PTPRD: variants seen among roughly 807,000 people sequenced by gnomAD.
PTPRD encodes receptor-type tyrosine-protein phosphatase delta.
A neutral mutation model predicts 214.5 loss-of-function variants in PTPRD; 34 were observed. The ratio of observed to expected loss-of-function variants is 0.16; its 90% CI spans 0.12 to 0.21. The LOEUF is 0.21. PTPRD is among the 10% of genes least tolerant of loss of function. The probability of loss-of-function intolerance (pLI) is 1.00; values close to 1 mark genes in which losing one functional copy is unlikely to be tolerated. For missense variants in PTPRD, 2,545 were observed against 2,398.7 expected (o/e 1.06, Z -1.27); for synonymous variants, 1,128 against 845.7 (o/e 1.33, Z -5.79).
intron 27 of PTPRD, 88 bp downstream of exon 27, chr9:8,492,774 C>G: frequency 1.2e-6 from 1 of 844,826 alleles, no homozygotes; most frequent in Non-Finnish European, 1.8e-6. Context: ...TCTGATTTTA[C>G]TATAATAAAA....
At chr9:10,570,647 T>C (rs536913667) in intron 2 of PTPRD, among the ~76,000 whole-genome samples, 1 of 152,228 alleles carries the variant, frequency 6.6e-6, no homozygotes, top group East Asian at 1.9e-4. Flanking sequence ...CCCAGCTTTC[T>C]CCAGCATTTT....
At chr9:8,398,428 T>G (rs2129677741) in intron 36 of PTPRD, among the ~76,000 whole-genome samples, 1 of 152,250 alleles carries the variant, frequency 6.6e-6, no homozygotes, top group African/African-American at 2.4e-5. Flanking sequence ...TTACTTTTAC[T>G]TATTAAAGAG....
intron 11 of PTPRD, among the ~76,000 whole-genome samples, chr9:8,934,421 G>GTGTGTATATATATA (rs1306403766): frequency 7.3e-5 from 2 of 27,332 alleles, no homozygotes; most frequent in Non-Finnish European, 6.1e-5. Flanking sequence ...GTGTGTGTGT[G>GTGTGTATATATATA]TATATATATA....
intron 5 of PTPRD, among the ~76,000 whole-genome samples, chr9:9,903,567 C>T (rs1003504196): frequency 1.3e-5 from 2 of 152,004 alleles, no homozygotes; most frequent in African/African-American, 4.8e-5. Context: ...GTACACAGTG[C>T]CTGAGACTGA....
At chr9:10,211,819 G>A (rs888199682) in intron 3 of PTPRD, among the ~76,000 whole-genome samples, 2 of 152,042 alleles carry the variant, frequency 1.3e-5, no homozygotes, top group African/African-American at 4.8e-5. Context: ...AGAGAGGGGG[G>A]TGAGGGATGA....
intron 7 of PTPRD, among the ~76,000 whole-genome samples, chr9:9,594,708 C>T (rs1302374098): frequency 3.3e-5 from 5 of 152,028 alleles, no homozygotes; most frequent in Non-Finnish European, 5.9e-5. Context: ...AATGTGATGC[C>T]TCTAGATTTA....
intron 4 of PTPRD, among the ~76,000 whole-genome samples, chr9:9,963,540 G>A (rs1174988908): frequency 1.3e-5 from 2 of 152,106 alleles, no homozygotes; most frequent in Admixed American, 6.5e-5. Context: ...ATAAATCAAG[G>A]AAATACAGTG....
intron 2 of PTPRD, among the ~76,000 whole-genome samples, chr9:10,493,881 T>C (rs1192607360): frequency 2.6e-5 from 4 of 152,002 alleles, no homozygotes. Context: ...ATAACTATGA[T>C]CTGTTTAAGT....
At position 10,538,835 on chromosome 9, in the gene PTPRD, A is replaced by G. The variant is rs576665400; in HGVS notation, c.-600+73563T>C. Among the ~76,000 whole-genome samples the G allele has an allele frequency of 7.9e-5, 12 of 152,274 alleles. 1 individual carries two copies. The South Asian group carries it at 2.5e-3, about 32-fold the overall frequency. On this transcript the variant is annotated intron_variant, in intron 2 of 45. Coordinates refer to ENST00000381196, the MANE Select transcript of PTPRD (RefSeq NM_002839.4). ...CTTATAATTGAAAACCCTGATAAAT[A>G]TCTTGAATCTTGATATATAGTATCA...
intron 2 of PTPRD, among the ~76,000 whole-genome samples, chr9:10,577,696 G>T (rs180942965): frequency 6.6e-6 from 1 of 152,180 alleles, no homozygotes; most frequent in East Asian, 1.9e-4. Context: ...CAGACTAAAT[G>T]GTTAAGCACT....
At chr9:9,629,089 A>C (rs1454383799) in intron 7 of PTPRD, among the ~76,000 whole-genome samples, 1 of 151,588 alleles carries the variant, frequency 6.6e-6, no homozygotes, top group Non-Finnish European at 1.5e-5. Flanking sequence ...CAGGAGAATC[A>C]CTTGAACCCG....
intron 11 of PTPRD, among the ~76,000 whole-genome samples, chr9:8,848,165 C>G (rs2097736752): frequency 6.6e-6 from 1 of 151,408 alleles, no homozygotes; most frequent in South Asian, 2.1e-4. Context: ...TGGAGGCCAT[C>G]TGCAGAAAAA....
At chr9:8,607,563 A>G (rs539025639) in intron 14 of PTPRD, among the ~76,000 whole-genome samples, 1 of 152,250 alleles carries the variant, frequency 6.6e-6, no homozygotes, top group East Asian at 1.9e-4. Context: ...GAATTGCTTG[A>G]GCCCGGGAGG....
intron 2 of PTPRD, among the ~76,000 whole-genome samples, chr9:10,505,184 A>G (rs558627275): frequency 1.3e-5 from 2 of 152,296 alleles, no homozygotes; most frequent in Admixed American, 6.5e-5. Flanking sequence ...TGATTTCTCA[A>G]TATGATTAAG....
At chr9:8,886,828 A>T (rs2098493834) in intron 11 of PTPRD, among the ~76,000 whole-genome samples, 1 of 152,226 alleles carries the variant, frequency 6.6e-6, no homozygotes, top group Admixed American at 6.5e-5. Context: ...ATACATTTCC[A>T]TATAATACAG....
At chr9:9,308,160 G>A (rs1041175277) in intron 9 of PTPRD, among the ~76,000 whole-genome samples, 1 of 152,100 alleles carries the variant, frequency 6.6e-6, no homozygotes, top group Non-Finnish European at 1.5e-5. Context: ...ATTTGTGTTA[G>A]GCTCTTTTTA....
chr9:8,347,504 C>G (rs968554575), intron 39 of PTPRD, among the ~76,000 whole-genome samples: 2 of 152,156 alleles, frequency 1.3e-5, no homozygotes, highest in Non-Finnish European at 2.9e-5. Flanking sequence ...CATCTAATTA[C>G]AAATCTCAAG....
At chr9:8,870,729 C>T (rs919919793) in intron 11 of PTPRD, among the ~76,000 whole-genome samples, 1 of 151,286 alleles carries the variant, frequency 6.6e-6, no homozygotes, top group African/African-American at 2.4e-5. Flanking sequence ...CACACACACA[C>T]GGGAGTTCAG....
chr9:9,016,878 A>C (rs2099537759), intron 11 of PTPRD, among the ~76,000 whole-genome samples: 1 of 152,100 alleles, frequency 6.6e-6, no homozygotes, highest in Admixed American at 6.6e-5. Flanking sequence ...CATTTTAAAC[A>C]TGAAAACATT....
Sources: gnomAD v4.1 joint callset for allele counts (sites outside exome capture counted in the v4.1 genomes callset) on GRCh38, gnomAD v4.1.1 for gene constraint, MANE v1.5 for transcripts, NCBI Gene and HGNC (gene_info 2026-07-23, HGNC 2026-07-21) for gene names.